The following LRFN2 variants were observed in gnomAD, a reference collection of about 807,000 sequenced individuals.
LRFN2 encodes the protein leucine rich repeat and fibronectin type III domain containing 2.
In LRFN2, 18 loss-of-function variants were observed where a neutral mutation model predicts 37.3. That is an observed-to-expected ratio of 0.48 (90% CI 0.33 to 0.72). LRFN2 has a LOEUF of 0.72. Ranked by LOEUF, LRFN2 falls within the 30% of genes least tolerant of loss-of-function variation. The probability of loss-of-function intolerance (pLI) is 0.02; values close to 1 mark genes in which losing one functional copy is unlikely to be tolerated. For synonymous variants in LRFN2, 556 were observed against 466.6 expected, an observed-to-expected ratio of 1.19 and a Z score of -2.47; for missense variants, 1,006 against 1,060.7, an observed-to-expected ratio of 0.95 and a Z score of 0.72.
chr6:40,543,072 C>A (rs910721119), intron 1 of LRFN2, among the ~76,000 whole-genome samples: 3 of 152,238 alleles, frequency 2.0e-5, no homozygotes, highest in East Asian at 1.9e-4. Flanking sequence ...ACTTCCAGAG[C>A]CCCTGCCAGC....
intron 1 of LRFN2, among the ~76,000 whole-genome samples, chr6:40,438,568 G>A (rs9471344): frequency 0.036 from 5,557 of 152,308 alleles, 307 homozygotes; most frequent in African/African-American, 0.12. Context: ...AATGGAGATC[G>A]TCTGGCTCCA....
chr6:40,482,753 GC>G (rs1467858249), intron 1 of LRFN2, among the ~76,000 whole-genome samples: 2 of 152,072 alleles, frequency 1.3e-5, no homozygotes, highest in African/African-American at 4.8e-5. Context: ...TCCACCCCAG[GC>G]CCTGCCTCCC....
At chr6:40,393,013 G>T (rs3734556) in intron 2 of LRFN2, 101 bp from the exon 3 acceptor site, 10 of 1,005,248 alleles carry the variant, frequency 9.9e-6, no homozygotes, top group East Asian at 2.6e-5. Flanking sequence ...GAGATGGGGA[G>T]GGGGAGGGGA....
chr6:40,496,992 G>A (rs1320734013), intron 1 of LRFN2, among the ~76,000 whole-genome samples: 4 of 152,096 alleles, frequency 2.6e-5, no homozygotes, highest in Non-Finnish European at 4.4e-5. Context: ...CACACCTCCT[G>A]GTGTCGGGTG....
intron 1 of LRFN2, among the ~76,000 whole-genome samples, chr6:40,533,602 C>G (rs555568821): frequency 2.0e-5 from 3 of 152,330 alleles, no homozygotes; most frequent in African/African-American, 7.2e-5. Context: ...GTCAGCTCGC[C>G]TGTACCAAAT....
Position 40,553,579 on chromosome 6 carries a change from G to A in LRFN2, c.-19+33362C>T, listed in dbSNP as rs1013801335. 6.6e-5 allele frequency among the ~76,000 whole-genome samples: 10 copies of A among 152,274 alleles called. No individual in the cohort carries two copies. The East Asian group carries it at 1.9e-3, about 29-fold the overall frequency. ...GTTCTGGTGGGGAAGGTCTAGGAGGGCAAGGCCATTCTGCATCATGTTCTG... is the reference window on the plus strand; with the variant it reads ...GTTCTGGTGGGGAAGGTCTAGGAGGACAAGGCCATTCTGCATCATGTTCTG... On this transcript the variant is annotated intron_variant, in intron 1 of 2. Coordinates refer to ENST00000338305, the MANE Select transcript of LRFN2 (RefSeq NM_020737.3).
intron 1 of LRFN2, among the ~76,000 whole-genome samples, chr6:40,456,818 C>T (rs1226241034): frequency 6.6e-6 from 1 of 152,194 alleles, no homozygotes; most frequent in Non-Finnish European, 1.5e-5. Context: ...AAAGCAGTAG[C>T]TATGCTCCTT....
intron 2 of LRFN2, among the ~76,000 whole-genome samples, chr6:40,416,793 C>T (rs1238531491): frequency 6.6e-6 from 1 of 152,166 alleles, no homozygotes; most frequent in Non-Finnish European, 1.5e-5. Flanking sequence ...GTTCGCCAGT[C>T]CCAGGAAAAA....
intron 1 of LRFN2, among the ~76,000 whole-genome samples, chr6:40,439,353 G>A (rs1397713952): frequency 6.6e-6 from 1 of 152,112 alleles, no homozygotes; most frequent in African/African-American, 2.4e-5. Flanking sequence ...CCAGGGAGAG[G>A]CAGCTGCCTG....
chr6:40,485,787 C>T (rs572509258), intron 1 of LRFN2, among the ~76,000 whole-genome samples: 230 of 152,260 alleles, frequency 1.5e-3, no homozygotes, highest in African/African-American at 5.2e-3. Context: ...TGACCAGCCA[C>T]GGGTCTTGAT....
rs552654674 is a variant in LRFN2, at chr6:40,477,752, C to T, written c.-18-44621G>A. 2.2e-4 allele frequency among the ~76,000 whole-genome samples: 34 copies of T among 152,324 alleles called. No homozygotes were observed. In the South Asian group the frequency reaches 2.9e-3, roughly 13 times the overall value. On this transcript the variant is annotated intron_variant, in intron 1 of 2. Transcript: ENST00000338305. ...AGGAAAGAGACCCCAGCTGGAAGCG[C>T]GTTCTCCCCTCCCTGCTCCTTCCAG...
intron 1 of LRFN2, among the ~76,000 whole-genome samples, chr6:40,496,709 T>C (rs998112861): frequency 8.5e-5 from 13 of 152,078 alleles, no homozygotes; most frequent in Non-Finnish European, 1.5e-4. Flanking sequence ...TTTTATCTTC[T>C]GTATTGGTGC....
At chr6:40,565,514 A>T (rs1767071327) in intron 1 of LRFN2, among the ~76,000 whole-genome samples, 1 of 152,276 alleles carries the variant, frequency 6.6e-6, no homozygotes, top group Non-Finnish European at 1.5e-5. Context: ...CCAAAACAGC[A>T]TGGTATTGGT....
At chr6:40,551,987 T>C (rs1766784824) in intron 1 of LRFN2, among the ~76,000 whole-genome samples, 1 of 152,182 alleles carries the variant, frequency 6.6e-6, no homozygotes, top group African/African-American at 2.4e-5. Context: ...GTCACACAGA[T>C]ACAAAAATCC....
intron 1 of LRFN2, among the ~76,000 whole-genome samples, chr6:40,563,144 G>A (rs952886443): frequency 2.0e-5 from 3 of 152,096 alleles, no homozygotes; most frequent in Admixed American, 6.5e-5. Flanking sequence ...CATGTGTAGA[G>A]ACCCCTCCGT....
At chr6:40,526,960 G>A (rs564188054) in intron 1 of LRFN2, among the ~76,000 whole-genome samples, 19 of 152,276 alleles carry the variant, frequency 1.2e-4, no homozygotes, top group African/African-American at 4.3e-4. Flanking sequence ...TGACCTCAAA[G>A]GGACTGAGTA....
intron 1 of LRFN2, among the ~76,000 whole-genome samples, chr6:40,486,704 CT>C (rs1764966823): frequency 6.6e-6 from 1 of 152,138 alleles, no homozygotes; most frequent in East Asian, 1.9e-4. Context: ...GCAAATGGCA[CT>C]AAGTTTTTTG....
chr6:40,482,869 G>A (rs558594870), intron 1 of LRFN2, among the ~76,000 whole-genome samples: 18 of 152,320 alleles, frequency 1.2e-4, no homozygotes, highest in African/African-American at 3.6e-4. Context: ...ATGGGCTCCC[G>A]GGTGGTGCAG....
intron 1 of LRFN2, among the ~76,000 whole-genome samples, chr6:40,469,777 G>T (rs1764552347): frequency 6.6e-6 from 1 of 152,122 alleles, no homozygotes; most frequent in African/African-American, 2.4e-5. Flanking sequence ...ATGAACTACA[G>T]CTCTGTGTCC....
Sources: gnomAD v4.1 joint callset for allele counts (sites outside exome capture counted in the v4.1 genomes callset) on GRCh38, gnomAD v4.1.1 for gene constraint, MANE v1.5 for transcripts, NCBI Gene and HGNC (gene_info 2026-07-23, HGNC 2026-07-21) for gene names.